The following ANKDD1A variants were observed in gnomAD, a reference collection of about 807,000 sequenced individuals.
ANKDD1A encodes the protein ankyrin repeat and death domain containing 1A.
Under a neutral mutation model 63.5 loss-of-function variants are expected in ANKDD1A, and 59 were observed. The ratio of observed to expected loss-of-function variants is 0.93; its 90% CI spans 0.75 to 1.15. ANKDD1A has a LOEUF of 1.15. Ranked by LOEUF, ANKDD1A falls within the 50% of genes most tolerant of loss-of-function variation. The probability of loss-of-function intolerance (pLI) is 0.00; values close to 1 mark genes in which losing one functional copy is unlikely to be tolerated. For synonymous variants in ANKDD1A, 266 were observed against 263.9 expected (o/e 1.01, Z -0.08); for missense variants, 632 against 656.4 (o/e 0.96, Z 0.41).
chr15:64,934,259 G>A (rs371677457), intron 9 of ANKDD1A, 25 bp downstream of exon 9: 9 of 1,598,594 alleles, frequency 5.6e-6, no homozygotes, highest in Non-Finnish European at 7.7e-6. Context: ...AGTGTTGAAG[G>A]GGGTCTCCAT....
chr15:64,952,622 C>CTTTTCT lies in ANKDD1A; in HGVS notation c.1483+2652_1483+2653insTTCTTT, dbSNP rs2085314599. On this transcript the variant is annotated intron_variant, in intron 14 of 14. Coordinates refer to ENST00000319580, the MANE Select transcript of ANKDD1A (RefSeq NM_182703.6). ...TCGTCTTCTTCTTCCTCCTCTCCTTCTTCGTCTTTTCTTTCTTCTTCTCCT... is the reference window on the plus strand; with the variant it reads ...TCGTCTTCTTCTTCCTCCTCTCCTTCTTTTCTTTCGTCTTTTCTTTCTTCTTCTCCT... Among the ~76,000 whole-genome samples, 7 of 33,570 alleles carry CTTTTCT rather than the reference C, an allele frequency of 2.1e-4. No homozygotes were observed. The South Asian group carries it at 5.2e-3, about 25-fold the overall frequency. 22.0% of individuals were successfully genotyped at this position (33,570 alleles called of 152,430 possible). A position where few individuals can be genotyped will look rare whatever the true frequency, so the allele number is the denominator to read the frequency against.
At chr15:64,914,273 A>G (rs1304864893) in intron 1 of ANKDD1A, 1 of 152,290 alleles carries the variant, frequency 6.6e-6, no homozygotes, top group Non-Finnish European at 1.5e-5. Flanking sequence ...GGTGTGAGCC[A>G]CTGCACCCAG....
chr15:64,954,633 T>TTTC (rs143099111), intron 14 of ANKDD1A, among the ~76,000 whole-genome samples: 82,338 of 142,712 alleles, frequency 0.58, 24,209 homozygotes, highest in East Asian at 0.84. Flanking sequence ...TCTTCTTCCT[T>TTTC]TTCTTCTTCC....
At chr15:64,952,422 GTT>G (rs782671897) in intron 14 of ANKDD1A, among the ~76,000 whole-genome samples, 7 of 3,196 alleles carry the variant, frequency 2.2e-3, no homozygotes, top group Non-Finnish European at 4.8e-3. Context: ...CTCCTTCTTA[GTT>G]TTCTTCTCCT....
intron 12 of ANKDD1A, 61 bp from the exon 13 acceptor site, chr15:64,947,343 G>C: frequency 5.1e-6 from 8 of 1,556,612 alleles, no homozygotes; most frequent in Non-Finnish European, 7.0e-6. Flanking sequence ...CCTCGGCTCG[G>C]CACTGCCCCT....
Position 64,953,690 on chromosome 15 carries a change from C to T in ANKDD1A, c.1484-3413C>T, listed in dbSNP as rs1354923694. Among the ~76,000 whole-genome samples the T allele has an allele frequency of 8.1e-3, 126 of 15,518 alleles. 1 individual carries two copies. The South Asian group carries it at 0.1, about 13-fold the overall frequency. 10.2% of individuals were successfully genotyped at this position (15,518 alleles called of 152,430 possible). On this transcript the variant is annotated intron_variant, in intron 14 of 14. Coordinates refer to ENST00000319580, the MANE Select transcript of ANKDD1A (RefSeq NM_182703.6). ...CTTCTCCTTCTTTTCTTCTCCTTCT[C>T]CCTTCTTCTTTCTTCTTCTCCTTGT...
intron 14 of ANKDD1A, among the ~76,000 whole-genome samples, chr15:64,954,833 GTTCTTTC>G (rs1350695602): frequency 1.5e-5 from 2 of 130,662 alleles, no homozygotes; most frequent in African/African-American, 5.8e-5. Flanking sequence ...TCTTTTTGTT[GTTCTTTC>G]TTCTTCCTTC....
intron 14 of ANKDD1A, among the ~76,000 whole-genome samples, chr15:64,955,038 T>TC (rs398118945): frequency 1.1e-4 from 2 of 17,694 alleles, no homozygotes; most frequent in East Asian, 2.4e-3. Flanking sequence ...CTCTTCTTCT[T>TC]CTTTCTTTCT....
intron 1 of ANKDD1A, 24 bp downstream of exon 1, chr15:64,911,988 G>T (rs966703361): frequency 3.7e-5 from 15 of 408,250 alleles, no homozygotes; most frequent in South Asian, 1.2e-4. Flanking sequence ...GAGGAGGGAG[G>T]GGGGCGGGCC....
chr15:64,933,003 G>T (rs900581168), intron 8 of ANKDD1A, among the ~76,000 whole-genome samples: 1 of 149,258 alleles, frequency 6.7e-6, no homozygotes, highest in Non-Finnish European at 1.5e-5. Flanking sequence ...GCCATTGGGT[G>T]GGGGGCTGGA....
At chr15:64,947,378 C>T (rs1190781370) in intron 12 of ANKDD1A, 26 bp from the exon 13 acceptor site, 27 of 1,601,818 alleles carry the variant, frequency 1.7e-5, no homozygotes, top group Non-Finnish European at 2.2e-5. Flanking sequence ...GGGAGAGCTT[C>T]TGCACTTTTG....
At chr15:64,941,622 A>G (rs1023916829) in intron 9 of ANKDD1A, among the ~76,000 whole-genome samples, 3 of 152,212 alleles carry the variant, frequency 2.0e-5, no homozygotes, top group East Asian at 1.9e-4. Context: ...ATGTGTGTGT[A>G]TATTCTGTTC....
At chr15:64,918,182 G>A (rs969401750) in intron 3 of ANKDD1A, among the ~76,000 whole-genome samples, 2 of 152,192 alleles carry the variant, frequency 1.3e-5, no homozygotes, top group African/African-American at 2.4e-5. Flanking sequence ...GGATGACACG[G>A]CGAAACTCCG....
intron 5 of ANKDD1A, 73 bp from the exon 6 acceptor site, chr15:64,926,805 AGCCAGAGTGGTTGGGGAACAGAG>A: frequency 7.6e-7 from 1 of 1,323,440 alleles, no homozygotes; most frequent in South Asian, 1.2e-5. Context: ...GCCACTACAA[AGCCAGAGTGGTTGGGGAACAGAG>A]GCCAGGTGGG....
intron 4 of ANKDD1A, among the ~76,000 whole-genome samples, chr15:64,922,853 T>C (rs998013417): frequency 2.0e-5 from 3 of 152,204 alleles, no homozygotes; most frequent in Non-Finnish European, 2.9e-5. Context: ...TTAGTACTTG[T>C]GACTTTGTCA....
rs765279092 is a variant in ANKDD1A, at chr15:64,949,987, T to C, written c.1483+15T>C. ...GGACCTGGCTGGTAAGAGCGTACTC[T>C]GCTGGGCTGCTTCTCAGGAGCTGGG... is the stretch of plus-strand genomic sequence containing the variant. On this transcript the variant is annotated intron_variant, in intron 14 of 14. Transcript: ENST00000319580. 3.3e-5 allele frequency: 53 copies of C among 1,605,864 alleles called. No individual in the cohort carries two copies. The highest frequency in any genetic ancestry group is 4.2e-5 in the Non-Finnish European group (50 of 1,178,100).
In ANKDD1A at chr15:64,957,081, ACAGT is replaced by A. The variant is rs1409175916; in HGVS notation, c.1484-20_1484-17del. 1 of 449,586 alleles carries A rather than the reference ACAGT, an allele frequency of 2.2e-6. No homozygotes were observed. Among genetic ancestry groups the A allele is most frequent in the Non-Finnish European group, 4.4e-6 (1 of 225,140 alleles). 27.8% of individuals were successfully genotyped at this position (449,586 alleles called of 1,614,324 possible). On this transcript the variant is annotated intron_variant, in intron 14 of 14. Transcript: ENST00000319580. ...TAATTGTTTTGTTTTGTTTTTTGAG[ACAGT>A]CTTGCTCTCTCACCCAGGCTGGAGT...
chr15:64,914,319 C>G (rs926235003), intron 1 of ANKDD1A, among the ~76,000 whole-genome samples: 1 of 152,116 alleles, frequency 6.6e-6, no homozygotes, highest in African/African-American at 2.4e-5. Context: ...CAGGGTCTCA[C>G]TCTGTTGCCC....
At chr15:64,951,488 C>T (rs111073733) in intron 14 of ANKDD1A, 42,023 of 80,220 alleles carry the variant, frequency 0.52, 8,720 homozygotes, top group Non-Finnish European at 0.62. Context: ...TCTTCCTCTT[C>T]TTTTCTTCTT....
Sources: allele counts gnomAD v4.1 joint callset (sites outside exome capture counted in the v4.1 genomes callset), GRCh38; gene constraint gnomAD v4.1.1; transcripts MANE v1.5; gene names NCBI Gene and HGNC (gene_info 2026-07-23, HGNC 2026-07-21).